POLE: variants seen among roughly 807,000 people sequenced by gnomAD.
POLE encodes the protein DNA polymerase epsilon catalytic subunit A.
A neutral mutation model predicts 279.2 loss-of-function variants in POLE; 188 were observed. The observed-to-expected ratio is 0.67, with a 90% CI of 0.60 to 0.76. POLE has a LOEUF of 0.76. Among genes scored for constraint, POLE ranks in the 30% least tolerant of loss-of-function variants. POLE has a pLI of 0.00. For missense variants in POLE, 2,703 were observed against 3,016.7 expected (o/e 0.90, Z 2.44); for synonymous variants, 1,214 against 1,172.5 (o/e 1.04, Z -0.72).
intron 45 of POLE, among the ~76,000 whole-genome samples, chr12:132,631,908 C>A (rs5745033): frequency 3.9e-5 from 6 of 152,314 alleles, no homozygotes; most frequent in African/African-American, 1.2e-4. Flanking sequence ...CGCCTCTGAA[C>A]GGCCCTCTCC....
Position 132,636,441 on chromosome 12 carries a change from G to GAAAAAAAA in POLE, c.5679-425_5679-418dup, listed in dbSNP as rs60289510. ...CCTCTGCACATTAGATCCATTTAAG[G>GAAAAAAAA]AAAAAAAAAAAAAAAAAAAAAAAAA... is the stretch of plus-strand genomic sequence containing the variant. On this transcript the variant is annotated intron_variant, in intron 41 of 48. Transcript: ENST00000320574. 6.7e-5 allele frequency among the ~76,000 whole-genome samples: 3 copies of GAAAAAAAA among 44,470 alleles called. 1 individual carries two copies. Among genetic ancestry groups the GAAAAAAAA allele is most frequent in the African/African-American group, 3.1e-4 (3 of 9,650 alleles). 29.2% of individuals were successfully genotyped at this position (44,470 alleles called of 152,430 possible).
chr12:132,642,223 A>G lies in POLE; in HGVS notation c.5127T>C (p.Asp1709=). The change falls in exon 38 of 49, where the codon GAT becomes GAC. Residue 1709 remains aspartate, a synonymous_variant. Coordinates refer to ENST00000320574, the MANE Select transcript of POLE (RefSeq NM_006231.4). The part of the protein sequence containing the change: ...ADDNCLVMEF[D]DQATVEINSS... The stretch of plus-strand genomic sequence containing the variant: ...TGTTGATCTCAACAGTGGCTTGGTC[A>G]TCGAACTCCATGACAAGACAGTTGT... The G allele has an allele frequency of 1.2e-6, 2 of 1,608,448 alleles. No individual in the cohort carries two copies. The highest frequency in any genetic ancestry group is 1.1e-5 in the South Asian group (1 of 90,036).
intron 29 of POLE, among the ~76,000 whole-genome samples, chr12:132,651,691 A>G (rs2042425987): frequency 6.6e-6 from 1 of 152,100 alleles, no homozygotes; most frequent in African/African-American, 2.4e-5. Context: ...ATGGAATGCC[A>G]CTCCTGAGAG....
In POLE at chr12:132,664,066, T is replaced by G. The variant is rs1455015315; in HGVS notation, c.2644A>C (p.Asn882His). Reference sequence around the variant, plus strand: ...ATGGTCACTTTGGGCTTCTTCACATTGGTCGTCTTGAAGACAAAATTTTCT... The same window carrying G: ...ATGGTCACTTTGGGCTTCTTCACATGGGTCGTCTTGAAGACAAAATTTTCT... ...FPENFVFKTTNVKKPKVTISY... is the reference protein window; with the variant it reads ...FPENFVFKTTHVKKPKVTISY... The change falls in exon 23 of 49, where the codon AAT becomes CAT. Residue 882 changes from asparagine (N) to histidine (H), a missense_variant. Coordinates refer to ENST00000320574, the MANE Select transcript of POLE (RefSeq NM_006231.4). This position sits in a 1 kb window ranked among gnomAD's most constrained non-coding sequence, Gnocchi z 5.3. 1 of 1,614,080 alleles carries G rather than the reference T, an allele frequency of 6.2e-7. No individual in the cohort carries two copies. Among genetic ancestry groups the G allele is most frequent in the African/African-American group, 1.3e-5 (1 of 74,936 alleles).
chr12:132,670,722 T>C (rs1026296189), intron 16 of POLE, among the ~76,000 whole-genome samples: 2 of 152,066 alleles, frequency 1.3e-5, no homozygotes, highest in East Asian at 2.0e-4. Context: ...CTCAATCTCC[T>C]GACCTCGTGA....
At chr12:132,665,807 C>G (rs1275060731) in intron 20 of POLE, among the ~76,000 whole-genome samples, 1 of 152,094 alleles carries the variant, frequency 6.6e-6, no homozygotes, top group Non-Finnish European at 1.5e-5. Context: ...AATTCCCCAC[C>G]CAACATGAGA....
chr12:132,668,832 G>A lies in POLE; in HGVS notation c.1902C>T (p.Ile634=), dbSNP rs376673982. The A allele has an allele frequency of 6.2e-7, 1 of 1,614,082 alleles. No homozygotes were observed. The highest frequency in any genetic ancestry group is 1.3e-5 in the African/African-American group (1 of 74,938). ...HLDVGAMYPN[I]ILTNRLQPSA... is the part of the protein sequence containing the mutation. ...TCACCTGCAGGCGGTTGGTCAGGATGATGTTGGGGTACATGGCCCCCACGT... is the reference window on the plus strand; with the variant it reads ...TCACCTGCAGGCGGTTGGTCAGGATAATGTTGGGGTACATGGCCCCCACGT... The change falls in exon 17 of 49, where the codon ATC becomes ATT. Residue 634 remains isoleucine (I), a synonymous_variant. Transcript: ENST00000320574. This position sits in a 1 kb window ranked among gnomAD's most constrained non-coding sequence, Gnocchi z 4.0.
chr12:132,682,299 A>AAAAT (rs2043184377), intron 1 of POLE, among the ~76,000 whole-genome samples: 11 of 91,048 alleles, frequency 1.2e-4, no homozygotes, highest in African/African-American at 3.6e-4. Flanking sequence ...GGCAAAAAAA[A>AAAAT]AAAAATAAAT....
chr12:132,631,887 C>T (rs1201071133), intron 45 of POLE, among the ~76,000 whole-genome samples: 1 of 152,212 alleles, frequency 6.6e-6, no homozygotes, highest in East Asian at 1.9e-4. Context: ...GCTCCATCCC[C>T]ACAGCACCTG....
chr12:132,679,100 T>C (rs537734451), intron 6 of POLE, among the ~76,000 whole-genome samples: 1 of 152,354 alleles, frequency 6.6e-6, no homozygotes, highest in Non-Finnish European at 1.5e-5. Context: ...GAACAGTGTT[T>C]AGTGTTCTAG....
At chr12:132,632,041 G>C (rs948898250) in intron 45 of POLE, among the ~76,000 whole-genome samples, 24 of 152,172 alleles carry the variant, frequency 1.6e-4, no homozygotes, top group Admixed American at 5.9e-4. Flanking sequence ...AATGTTGGTG[G>C]AATGAACAAG....
Position 132,642,814 on chromosome 12 carries a change from T to C in POLE, c.4728+6A>G, listed in dbSNP as rs2042180637. ...GCTCACACAGCAAGACCCCAACCAC[T>C]CTCACCTTGTAGGCGAGCAGGAATC... is the stretch of plus-strand genomic sequence containing the variant. On this transcript the variant is annotated splice_donor_region_variant and intron_variant, in intron 36 of 48. Transcript: ENST00000320574. 6.2e-7 allele frequency: 1 copy of C among 1,613,800 alleles called. No homozygotes were observed.
chr12:132,678,422 A>G (rs2043104537), intron 6 of POLE, among the ~76,000 whole-genome samples: 1 of 151,524 alleles, frequency 6.6e-6, no homozygotes, highest in African/African-American at 2.4e-5. Context: ...AATAATAATA[A>G]TAATAATTAG....
chr12:132,685,642 C>A (rs2043242272), intron 1 of POLE, among the ~76,000 whole-genome samples: 1 of 152,236 alleles, frequency 6.6e-6, no homozygotes, highest in South Asian at 2.1e-4. Context: ...GAGTGGAGCA[C>A]GTGAGTGCAG....
At chr12:132,643,131 C>T (rs1037242504) in intron 35 of POLE, 93 bp downstream of exon 35, 18 of 1,493,352 alleles carry the variant, frequency 1.2e-5, no homozygotes, top group Non-Finnish European at 1.5e-5. Flanking sequence ...CCCTTGAGGA[C>T]AAGACCTGGA....
chr12:132,657,857 C>G lies in POLE; in HGVS notation c.3378+11G>C, dbSNP rs1281293430. 3 of 1,569,820 alleles carry G rather than the reference C, an allele frequency of 1.9e-6. No homozygotes were observed. Among genetic ancestry groups the G allele is most frequent in the Non-Finnish European group, 8.8e-7 (1 of 1,139,610 alleles). ...AAACTTTTAAGAGTAGAGAACGCAA[C>G]TGGCACTCACTGCTCGAATATCAAA... On this transcript the variant is annotated intron_variant, in intron 27 of 48. Transcript: ENST00000320574.
At position 132,679,970 on chromosome 12, in the gene POLE, T is replaced by C. The variant is rs752771738; in HGVS notation, c.407A>G (p.Lys136Arg). Residue 136 changes from lysine (K) to arginine (R), a missense_variant, in exon 5 of 49, where the codon AAA (lysine) becomes AGA (arginine). By Grantham distance (26) the Lys-to-Arg change is conservative. This residue lies in a region of POLE where 1,011 missense variants were observed against 1,111.7 expected (regional missense o/e 0.91). Transcript: ENST00000320574. ...GATACTCACCAAGTCCAGATCCTCT[T>C]TGGGGACAGTCTCCACTTTTGCAAT... ...GKIAKVETVP[K>R]EDLDLPNHLV... is the part of the protein sequence containing the mutation. 4.3e-6 allele frequency: 7 copies of C among 1,612,906 alleles called. No individual in the cohort carries two copies. The highest frequency in any genetic ancestry group is 2.2e-5 in the South Asian group (2 of 90,992).
Position 132,664,274 on chromosome 12 carries a change from G to T in POLE, c.2561+96C>A, listed in dbSNP as rs1419423050. 1 of 1,328,418 alleles carries T rather than the reference G, an allele frequency of 7.5e-7. No homozygotes were observed. Among genetic ancestry groups the T allele is most frequent in the Non-Finnish European group, 1.1e-6 (1 of 929,318 alleles). The allele number at this position is 1,328,418 out of a possible 1,614,324, so 82.3% of individuals were successfully genotyped here. A position where few individuals can be genotyped will look rare whatever the true frequency, so the allele number is the denominator to read the frequency against. On this transcript the variant is annotated intron_variant, in intron 22 of 48. Transcript: ENST00000320574. This position sits in a 1 kb window ranked among gnomAD's most constrained non-coding sequence, Gnocchi z 5.3. ...CTCCAGCCTTCCCTCCTTCCTTCCTGCCCAGTGTGTGGCCTCCAGCCTTCC... is the reference window on the plus strand; with the variant it reads ...CTCCAGCCTTCCCTCCTTCCTTCCTTCCCAGTGTGTGGCCTCCAGCCTTCC...
At chr12:132,671,398 C>G (rs1463544490) in intron 16 of POLE, among the ~76,000 whole-genome samples, 1 of 151,130 alleles carries the variant, frequency 6.6e-6, no homozygotes, top group African/African-American at 2.5e-5. Flanking sequence ...AGGCCAGGCG[C>G]GGTGCCTCAC....
Sources: gnomAD v4.1 joint callset for allele counts (sites outside exome capture counted in the v4.1 genomes callset) on GRCh38, gnomAD v4.1.1 for gene constraint, gnomAD v4.1.1 regional missense constraint, Gnocchi (gnomAD v3.1) non-coding constraint, MANE v1.5 for transcripts, NCBI Gene and HGNC (gene_info 2026-07-23, HGNC 2026-07-21) for gene names.